Variants in PPFIA2 observed in about 807,000 individuals in gnomAD.
PPFIA2 encodes PPFI scaffold protein A2.
A neutral mutation model predicts 175.5 loss-of-function variants in PPFIA2; 46 were observed. The ratio of observed to expected loss-of-function variants is 0.26; its 90% CI spans 0.21 to 0.34. The LOEUF is 0.34. Among genes scored for constraint, PPFIA2 ranks in the 10% least tolerant of loss-of-function variants. The probability of loss-of-function intolerance (pLI) is 1.00; values close to 1 mark genes in which losing one functional copy is unlikely to be tolerated. For synonymous variants in PPFIA2, 568 were observed against 511.4 expected (o/e 1.11, Z -1.49); for missense variants, 1,179 against 1,506.1 (o/e 0.78, Z 3.60).
chr12:81,593,263 A>G (rs1247592334), intron 4 of PPFIA2, among the ~76,000 whole-genome samples: 1 of 152,172 alleles, frequency 6.6e-6, no homozygotes, highest in Non-Finnish European at 1.5e-5. Context: ...TTGGCTAGCT[A>G]CCATAGAAAT....
At chr12:81,652,846 C>T (rs1221149148) in intron 4 of PPFIA2, among the ~76,000 whole-genome samples, 2 of 152,064 alleles carry the variant, frequency 1.3e-5, no homozygotes, top group Admixed American at 6.6e-5. Flanking sequence ...AACTAAAGAA[C>T]ATTGCCCTTT....
At chr12:81,553,205 A>G (rs1434744585) in intron 4 of PPFIA2, among the ~76,000 whole-genome samples, 1 of 152,062 alleles carries the variant, frequency 6.6e-6, no homozygotes, top group East Asian at 1.9e-4. Context: ...TTAGCCAGAT[A>G]AATAAGGGAA....
At chr12:81,422,128 GTATATATA>G (rs763420952) in intron 7 of PPFIA2, among the ~76,000 whole-genome samples, 9,279 of 131,776 alleles carry the variant, frequency 0.07, 485 homozygotes, top group African/African-American at 0.15. Context: ...ATATATGTGT[GTATATATA>G]TGTGTATATA....
chr12:81,476,436 T>C (rs2057483694), intron 4 of PPFIA2, among the ~76,000 whole-genome samples: 1 of 152,234 alleles, frequency 6.6e-6, no homozygotes, highest in Admixed American at 6.5e-5. Flanking sequence ...TGAAAATTTG[T>C]ATTTATTTTC....
intron 4 of PPFIA2, among the ~76,000 whole-genome samples, chr12:81,515,971 A>ATTT (rs368297217): frequency 1.3e-5 from 2 of 149,356 alleles, no homozygotes; most frequent in Admixed American, 6.7e-5. Context: ...AGCATGCCAA[A>ATTT]TTTTTTTTTT....
chr12:81,507,494 A>C (rs2061305648), intron 4 of PPFIA2, among the ~76,000 whole-genome samples: 1 of 152,066 alleles, frequency 6.6e-6, no homozygotes, highest in Non-Finnish European at 1.5e-5. Flanking sequence ...TGTATCCAAT[A>C]CTCCATCCAA....
Position 81,269,535 on chromosome 12 carries a change from T to C in PPFIA2, c.3311-1448A>G, listed in dbSNP as rs189340208. Among the ~76,000 whole-genome samples, 22 of 152,332 alleles carry C rather than the reference T, an allele frequency of 1.4e-4. No homozygotes were observed. In the East Asian group the frequency reaches 3.9e-3, roughly 27 times the overall value. On this transcript the variant is annotated intron_variant, in intron 28 of 32. Coordinates refer to ENST00000549396, the MANE Select transcript of PPFIA2 (RefSeq NM_003625.5). ...CCTTATTTATCTTATTTTATCCATT[T>C]ATAACCAACTTAGATGTTCTTGTGT...
Position 81,388,022 on chromosome 12 carries a change from G to A in PPFIA2, c.763-3778C>T, listed in dbSNP as rs548488145. 1.8e-4 allele frequency among the ~76,000 whole-genome samples: 28 copies of A among 152,152 alleles called. No homozygotes were observed. In the South Asian group the frequency reaches 2.9e-3, roughly 16 times the overall value. Reference sequence around the variant, plus strand: ...TGCACTCCAACATTCCCACATATTCGTAGCAGCACTTACCCCTTTTATTAA... The same window carrying A: ...TGCACTCCAACATTCCCACATATTCATAGCAGCACTTACCCCTTTTATTAA... On this transcript the variant is annotated intron_variant, in intron 8 of 32. Transcript: ENST00000549396.
intron 4 of PPFIA2, among the ~76,000 whole-genome samples, chr12:81,561,607 T>C (rs1168848762): frequency 6.6e-6 from 1 of 152,220 alleles, no homozygotes; most frequent in Non-Finnish European, 1.5e-5. Flanking sequence ...TTCCCCTCTC[T>C]CTGATAAATA....
intron 4 of PPFIA2, among the ~76,000 whole-genome samples, chr12:81,632,809 C>T (rs752923140): frequency 6.6e-6 from 1 of 152,026 alleles, no homozygotes; most frequent in African/African-American, 2.4e-5. Flanking sequence ...CAAAAGCAAT[C>T]TGTGTCCTGA....
chr12:81,382,107 G>C (rs1217666296), intron 9 of PPFIA2, among the ~76,000 whole-genome samples: 2 of 152,076 alleles, frequency 1.3e-5, no homozygotes, highest in African/African-American at 4.8e-5. Flanking sequence ...CAAAAGAAGA[G>C]GGAGAGTGTA....
At chr12:81,261,426 A>T (rs2035493386) in intron 32 of PPFIA2, among the ~76,000 whole-genome samples, 1 of 152,108 alleles carries the variant, frequency 6.6e-6, no homozygotes, top group South Asian at 2.1e-4. Flanking sequence ...CATGTTGGCC[A>T]GGCTGGTCTC....
intron 3 of PPFIA2, among the ~76,000 whole-genome samples, chr12:81,708,926 C>T (rs2077539907): frequency 6.6e-6 from 1 of 152,176 alleles, no homozygotes; most frequent in African/African-American, 2.4e-5. Context: ...ACTGAATTTT[C>T]TCAAGGCAAG....
intron 4 of PPFIA2, among the ~76,000 whole-genome samples, chr12:81,555,740 C>T (rs1279056391): frequency 2.6e-5 from 4 of 151,770 alleles, no homozygotes; most frequent in Admixed American, 2.6e-4. Context: ...TTTAAAACAT[C>T]TAGTATTTTA....
At chr12:81,443,282 T>G (rs1458982424) in intron 6 of PPFIA2, among the ~76,000 whole-genome samples, 1 of 152,048 alleles carries the variant, frequency 6.6e-6, no homozygotes, top group East Asian at 1.9e-4. Context: ...GAATGAATGA[T>G]CAAGTCACTT....
intron 20 of PPFIA2, among the ~76,000 whole-genome samples, chr12:81,340,375 A>T (rs2057840669): frequency 6.6e-6 from 1 of 152,108 alleles, no homozygotes; most frequent in Admixed American, 6.6e-5. Context: ...TATATTAATT[A>T]TGTGTCTACA....
Position 81,750,066 on chromosome 12 carries a change from A to G in PPFIA2, c.249+3907T>C, listed in dbSNP as rs1047879714. Among the ~76,000 whole-genome samples, 2 of 143,990 alleles carry G rather than the reference A, an allele frequency of 1.4e-5. 1 individual carries two copies. The highest frequency in any genetic ancestry group is 3.1e-5 in the Non-Finnish European group (2 of 64,162). 94.5% of individuals were successfully genotyped at this position (143,990 alleles called of 152,430 possible). ...CAATTTAATTACAATATGATAAATG[A>G]TAAGAGTAAGGCACACAGAACAAAT... On this transcript the variant is annotated intron_variant, in intron 3 of 32. Coordinates refer to ENST00000549396, the MANE Select transcript of PPFIA2 (RefSeq NM_003625.5).
intron 26 of PPFIA2, chr12:81,282,781 C>T (rs1848311898): frequency 5.9e-6 from 2 of 338,504 alleles, no homozygotes; most frequent in Non-Finnish European, 1.1e-5. Context: ...AAGAAAAGTA[C>T]CCTTTTAAAA....
chr12:81,721,310 G>T (rs554281845), intron 3 of PPFIA2, among the ~76,000 whole-genome samples: 1 of 151,156 alleles, frequency 6.6e-6, no homozygotes, highest in Non-Finnish European at 1.5e-5. Flanking sequence ...ATTTTGCTTC[G>T]CATGTATTCT....
Sources: allele counts gnomAD v4.1 joint callset (sites outside exome capture counted in the v4.1 genomes callset), GRCh38; gene constraint gnomAD v4.1.1; transcripts MANE v1.5; gene names NCBI Gene and HGNC (gene_info 2026-07-23, HGNC 2026-07-21).